The following ZFHX4 variants were observed in gnomAD, a reference collection of about 807,000 sequenced individuals.
ZFHX4 encodes zinc finger homeobox protein 4.
Under a neutral mutation model 267.6 loss-of-function variants are expected in ZFHX4, and 56 were observed. That is an observed-to-expected ratio of 0.21 (90% CI 0.17 to 0.26). The LOEUF is 0.26. Ranked by LOEUF, ZFHX4 falls within the 10% of genes least tolerant of loss-of-function variation. ZFHX4 has a pLI of 1.00. For synonymous variants in ZFHX4, 1,778 were observed against 1,665.6 expected (o/e 1.07, Z -1.64); for missense variants, 4,332 against 4,420.0 (o/e 0.98, Z 0.56).
chr8:76,754,042 A>T (rs1466624769), intron 3 of ZFHX4, among the ~76,000 whole-genome samples: 1 of 152,148 alleles, frequency 6.6e-6, no homozygotes, highest in East Asian at 1.9e-4. Context: ...TAACCTCCCC[A>T]AGAATCTATT....
intron 4 of ZFHX4, among the ~76,000 whole-genome samples, chr8:76,819,480 A>T (rs1468260068): frequency 6.6e-6 from 1 of 152,306 alleles, no homozygotes; most frequent in East Asian, 1.9e-4. Flanking sequence ...ATGTAAATAT[A>T]AATAAACCCA....
chr8:76,706,212 C>T lies in ZFHX4; in HGVS notation c.2124C>T (p.Thr708=), dbSNP rs1489402155. 6.2e-7 allele frequency: 1 copy of T among 1,614,012 alleles called. No individual in the cohort carries two copies. Among genetic ancestry groups the T allele is most frequent in the African/African-American group, 1.3e-5 (1 of 74,988 alleles). The part of the protein sequence containing the change: ...PFRCEVCNYS[T]TTKGNLSIHM... The stretch of plus-strand genomic sequence containing the variant: ...GTTGTGAGGTTTGTAACTACTCTAC[C>T]ACTACCAAAGGCAACCTCAGTATTC... Residue 708 remains threonine (T), a synonymous_variant, in exon 2 of 11, where the codon ACC becomes ACT. Coordinates refer to ENST00000651372, the MANE Select transcript of ZFHX4 (RefSeq NM_024721.5).
chr8:76,774,694 A>G (rs995571559), intron 3 of ZFHX4, among the ~76,000 whole-genome samples: 7 of 152,082 alleles, frequency 4.6e-5, no homozygotes, highest in Non-Finnish European at 7.4e-5. Flanking sequence ...AAAGAATATA[A>G]TTTTCCTGAC....
chr8:76,763,285 A>G (rs534015381), intron 3 of ZFHX4, among the ~76,000 whole-genome samples: 2 of 152,322 alleles, frequency 1.3e-5, no homozygotes, highest in South Asian at 4.1e-4. Flanking sequence ...TAAGGACCTT[A>G]GATGAAAAAG....
chr8:76,694,825 C>G (rs1807914764), intron 1 of ZFHX4, among the ~76,000 whole-genome samples: 1 of 150,708 alleles, frequency 6.6e-6, no homozygotes, highest in Non-Finnish European at 1.5e-5. Context: ...ATTTTCGCAA[C>G]ACATTACATG....
Position 76,865,632 on chromosome 8 carries a change from G to A in ZFHX4, c.*1067G>A, listed in dbSNP as rs1813006293. 6.6e-6 allele frequency: 1 copy of A among 152,450 alleles called. No individual in the cohort carries two copies. Among genetic ancestry groups the A allele is most frequent in the Non-Finnish European group, 1.5e-5 (1 of 68,014 alleles). The allele number at this position is 152,450 out of a possible 1,614,324, so 9.4% of individuals were successfully genotyped here. A position where few individuals can be genotyped will look rare whatever the true frequency, so the allele number is the denominator to read the frequency against. The stretch of plus-strand genomic sequence containing the variant: ...AAAGTAGTACTGTATACTTGAAACT[G>A]TTTAAGTACAAGTTGAACAAAAATT... On this transcript the variant is annotated 3_prime_UTR_variant, in exon 11 of 11. Coordinates refer to ENST00000651372, the MANE Select transcript of ZFHX4 (RefSeq NM_024721.5).
Position 76,850,369 on chromosome 8 carries a change from C to T in ZFHX4, c.3964+7C>T. ...GGGTCTGGGAAATATTCAGGTATGC[C>T]ATCTTATCATCAAGACTTGTGAACA... On this transcript the variant is annotated splice_region_variant and intron_variant, in intron 9 of 10. Coordinates refer to ENST00000651372, the MANE Select transcript of ZFHX4 (RefSeq NM_024721.5). 1 of 1,598,120 alleles carries T rather than the reference C, an allele frequency of 6.3e-7. No individual in the cohort carries two copies. The highest frequency in any genetic ancestry group is 8.5e-7 in the Non-Finnish European group (1 of 1,169,902).
chr8:76,687,414 G>A (rs1563459803), intron 1 of ZFHX4, among the ~76,000 whole-genome samples: 1 of 152,204 alleles, frequency 6.6e-6, no homozygotes, highest in Non-Finnish European at 1.5e-5. Flanking sequence ...CCATGAAGAG[G>A]ACATTGTTAC....
intron 3 of ZFHX4, among the ~76,000 whole-genome samples, chr8:76,719,840 C>T (rs1404392133): frequency 6.6e-6 from 1 of 152,074 alleles, no homozygotes; most frequent in Non-Finnish European, 1.5e-5. Flanking sequence ...GTATGCAGTT[C>T]TATAGGAAAA....
intron 3 of ZFHX4, among the ~76,000 whole-genome samples, chr8:76,722,307 C>T (rs934503708): frequency 6.6e-6 from 1 of 152,060 alleles, no homozygotes; most frequent in Non-Finnish European, 1.5e-5. Flanking sequence ...CATCAGCTTT[C>T]TTGAGTCTGT....
intron 3 of ZFHX4, among the ~76,000 whole-genome samples, chr8:76,744,217 G>A (rs530678404): frequency 3.3e-5 from 5 of 152,006 alleles, no homozygotes; most frequent in Admixed American, 2.6e-4. Flanking sequence ...GTGGTGGTGC[G>A]TGCTTGTAGT....
At chr8:76,685,637 C>G (rs932385229) in intron 1 of ZFHX4, among the ~76,000 whole-genome samples, 2 of 152,126 alleles carry the variant, frequency 1.3e-5, no homozygotes, top group Non-Finnish European at 2.9e-5. Context: ...ATTGAAGCTT[C>G]TTTCTTATTA....
chr8:76,722,956 T>C (rs1370799856), intron 3 of ZFHX4, among the ~76,000 whole-genome samples: 4 of 152,094 alleles, frequency 2.6e-5, no homozygotes, highest in African/African-American at 9.7e-5. Flanking sequence ...TGGCCTTCAA[T>C]TGAAATTTGC....
Position 76,853,671 on chromosome 8 carries a change from C to T in ZFHX4, c.6750C>T (p.Tyr2250=), listed in dbSNP as rs1812613270. 6.2e-7 allele frequency: 1 copy of T among 1,613,606 alleles called. No homozygotes were observed. Among genetic ancestry groups the T allele is most frequent in the Non-Finnish European group, 8.5e-7 (1 of 1,179,754 alleles). Reference sequence around the variant, plus strand: ...AAGACTTTTTTGACACAAACGCTTACCCAAAAGATGATGAAATAGAACAAC... The same window carrying T: ...AAGACTTTTTTGACACAAACGCTTATCCAAAAGATGATGAAATAGAACAAC... The part of the protein sequence containing the change: ...VLQDFFDTNA[Y]PKDDEIEQLS... The change falls in exon 10 of 11, where the codon TAC becomes TAT. Residue 2250 remains tyrosine, a synonymous_variant. Transcript: ENST00000651372.
chr8:76,799,420 T>G (rs1216852344), intron 4 of ZFHX4, among the ~76,000 whole-genome samples: 1 of 152,214 alleles, frequency 6.6e-6, no homozygotes, highest in Non-Finnish European at 1.5e-5. Flanking sequence ...CCTAGTAACC[T>G]GAATTAAGGA....
chr8:76,689,715 C>G (rs1368963087), intron 1 of ZFHX4, among the ~76,000 whole-genome samples: 2 of 152,098 alleles, frequency 1.3e-5, no homozygotes, highest in Admixed American at 6.6e-5. Flanking sequence ...ATTTGACATA[C>G]AATCCTCAGT....
chr8:76,779,886 A>G (rs753917260), intron 4 of ZFHX4, among the ~76,000 whole-genome samples: 26 of 152,088 alleles, frequency 1.7e-4, no homozygotes, highest in African/African-American at 4.8e-4. Flanking sequence ...TTAATCACCA[A>G]TAGTCTAAGG....
intron 4 of ZFHX4, among the ~76,000 whole-genome samples, chr8:76,831,134 G>C (rs193230276): frequency 2.8e-4 from 43 of 152,256 alleles, no homozygotes; most frequent in Admixed American, 2.4e-3. Context: ...AGGATTACAC[G>C]ATGGTTTCTA....
intron 6 of ZFHX4, among the ~76,000 whole-genome samples, chr8:76,844,489 G>A (rs973724383): frequency 1.1e-4 from 16 of 152,028 alleles, no homozygotes; most frequent in Admixed American, 3.3e-4. Context: ...TTTTACCATT[G>A]AGGAAAGAAT....
Sources: gnomAD v4.1 joint callset for allele counts (sites outside exome capture counted in the v4.1 genomes callset) on GRCh38, gnomAD v4.1.1 for gene constraint, MANE v1.5 for transcripts, NCBI Gene and HGNC (gene_info 2026-07-23, HGNC 2026-07-21) for gene names.